Variants in CHRM3 observed in about 807,000 individuals in gnomAD.
CHRM3 encodes the protein cholinergic receptor muscarinic 3, also known as muscarinic acetylcholine receptor M3.
Under a neutral mutation model 41.8 loss-of-function variants are expected in CHRM3, and 11 were observed. The ratio of observed to expected loss-of-function variants is 0.26; its 90% CI spans 0.17 to 0.44. The LOEUF is 0.44. CHRM3 is among the 20% of genes least tolerant of loss of function. The pLI is 1.00. For missense variants in CHRM3, 571 were observed against 745.4 expected (o/e 0.77, Z 2.72); for synonymous variants, 297 against 301.4 (o/e 0.99, Z 0.15).
chr1:239,440,029 C>T (rs1048909055), intron 1 of CHRM3, among the ~76,000 whole-genome samples: 1 of 151,668 alleles, frequency 6.6e-6, no homozygotes, highest in Non-Finnish European at 1.5e-5. Flanking sequence ...GAAACCCTGT[C>T]TCTACTAAAA....
chr1:239,511,805 A>G (rs568856998), intron 2 of CHRM3, among the ~76,000 whole-genome samples: 133 of 152,366 alleles, frequency 8.7e-4, no homozygotes, highest in African/African-American at 3.0e-3. Context: ...AAAGTGCAGA[A>G]GATAAAATCC....
At chr1:239,806,524 C>G (rs868195398) in intron 5 of CHRM3, among the ~76,000 whole-genome samples, 24 of 152,038 alleles carry the variant, frequency 1.6e-4, no homozygotes, top group African/African-American at 5.3e-4. Flanking sequence ...GGATTGACTG[C>G]AGGAATTAAA....
intron 2 of CHRM3, among the ~76,000 whole-genome samples, chr1:239,523,012 A>G (rs945204805): frequency 1.3e-5 from 2 of 152,164 alleles, no homozygotes; most frequent in Non-Finnish European, 2.9e-5. Context: ...AAGATCAGGC[A>G]TCCTACCTAA....
At chr1:239,643,609 A>G (rs904231159) in intron 4 of CHRM3, among the ~76,000 whole-genome samples, 2 of 152,144 alleles carry the variant, frequency 1.3e-5, no homozygotes, top group South Asian at 2.1e-4. Flanking sequence ...GCCCTTTTTT[A>G]AACCCGTCGG....
At chr1:239,556,882 G>A (rs992569507) in intron 3 of CHRM3, among the ~76,000 whole-genome samples, 19 of 152,236 alleles carry the variant, frequency 1.2e-4, no homozygotes, top group Admixed American at 8.5e-4. Context: ...AAGCAAATGC[G>A]TGTTCGTTAA....
At chr1:239,397,148 A>G (rs1240687974) in intron 1 of CHRM3, among the ~76,000 whole-genome samples, 3 of 152,206 alleles carry the variant, frequency 2.0e-5, no homozygotes, top group Non-Finnish European at 1.5e-5. Flanking sequence ...CGGGTGAAGT[A>G]GTAATCATTT....
At chr1:239,562,317 C>A (rs1255305465) in intron 3 of CHRM3, among the ~76,000 whole-genome samples, 1 of 152,054 alleles carries the variant, frequency 6.6e-6, no homozygotes, top group Non-Finnish European at 1.5e-5. Context: ...AACAACTTTA[C>A]AAAATGGATA....
intron 3 of CHRM3, among the ~76,000 whole-genome samples, chr1:239,599,145 G>A (rs990669514): frequency 6.6e-6 from 1 of 152,070 alleles, no homozygotes; most frequent in Non-Finnish European, 1.5e-5. Flanking sequence ...CGACTTCTTT[G>A]TCTCTTATTT....
chr1:239,819,210 C>G (rs909803466), intron 5 of CHRM3, among the ~76,000 whole-genome samples: 1 of 152,166 alleles, frequency 6.6e-6, no homozygotes, highest in Non-Finnish European at 1.5e-5. Flanking sequence ...TCCTTCCAGT[C>G]GATGTCACCC....
rs182838912 is a variant in CHRM3, at chr1:239,596,700, G to T, written c.-312-35524G>T. On this transcript the variant is annotated intron_variant, in intron 3 of 6. Coordinates refer to ENST00000676153, the MANE Select transcript of CHRM3 (RefSeq NM_001375978.1). ...GAAAAGGATGCTTTCTTGTAGCAAT[G>T]TATATTTCAGTGTCTAGAATGTGAA... is the stretch of plus-strand genomic sequence containing the variant. Among the ~76,000 whole-genome samples, 6 of 152,230 alleles carry T rather than the reference G, an allele frequency of 3.9e-5. No individual in the cohort carries two copies. The East Asian group carries it at 9.6e-4, about 24-fold the overall frequency.
At chr1:239,664,974 C>T (rs1673624177) in intron 4 of CHRM3, among the ~76,000 whole-genome samples, 1 of 151,916 alleles carries the variant, frequency 6.6e-6, no homozygotes. Flanking sequence ...AACTAGAACC[C>T]ACACATCTGC....
chr1:239,644,051 T>G (rs1169804698), intron 4 of CHRM3, among the ~76,000 whole-genome samples: 2 of 152,260 alleles, frequency 1.3e-5, no homozygotes, highest in Non-Finnish European at 2.9e-5. Context: ...CAGCTATTAC[T>G]TTCTTTCATT....
intron 3 of CHRM3, among the ~76,000 whole-genome samples, chr1:239,560,860 A>G (rs901326418): frequency 6.6e-6 from 1 of 151,570 alleles, no homozygotes; most frequent in Non-Finnish European, 1.5e-5. Context: ...CCAAAACAGA[A>G]CTCTAGGTTT....
At chr1:239,680,328 T>C (rs570503695) in intron 5 of CHRM3, among the ~76,000 whole-genome samples, 1 of 152,280 alleles carries the variant, frequency 6.6e-6, no homozygotes, top group African/African-American at 2.4e-5. Context: ...TCAGTCTTTG[T>C]TGAAGGATTG....
At chr1:239,684,784 AAAGAGAAG>A (rs1658970563) in intron 5 of CHRM3, among the ~76,000 whole-genome samples, 1 of 151,106 alleles carries the variant, frequency 6.6e-6, no homozygotes, top group Non-Finnish European at 1.5e-5. Flanking sequence ...AAGAGAAAGA[AAAGAGAAG>A]AGAAGGAAAA....
At chr1:239,758,807 T>C (rs1666451418) in intron 5 of CHRM3, among the ~76,000 whole-genome samples, 1 of 152,200 alleles carries the variant, frequency 6.6e-6, no homozygotes, top group Non-Finnish European at 1.5e-5. Flanking sequence ...ATTGCAGCTA[T>C]TGATGAATTT....
chr1:239,610,171 C>T (rs113736112), intron 3 of CHRM3, among the ~76,000 whole-genome samples: 15,037 of 110,594 alleles, frequency 0.14, 1,465 homozygotes, highest in African/African-American at 0.31. Flanking sequence ...CCAGCCTGGG[C>T]GACAGAGCAA....
intron 4 of CHRM3, among the ~76,000 whole-genome samples, chr1:239,672,599 T>TAC (rs35094370): frequency 0.18 from 26,522 of 145,080 alleles, 3,235 homozygotes; most frequent in African/African-American, 0.36. Context: ...TTCTTCCCAC[T>TAC]ACACACACAC....
intron 2 of CHRM3, among the ~76,000 whole-genome samples, chr1:239,523,600 C>T (rs1669797054): frequency 6.6e-6 from 1 of 152,166 alleles, no homozygotes; most frequent in African/African-American, 2.4e-5. Flanking sequence ...GGATGACCCT[C>T]TCTTGTTGTC....
Sources: gnomAD v4.1 joint callset for allele counts (sites outside exome capture counted in the v4.1 genomes callset) on GRCh38, gnomAD v4.1.1 for gene constraint, MANE v1.5 for transcripts, NCBI Gene and HGNC (gene_info 2026-07-23, HGNC 2026-07-21) for gene names.